The following TENM2 variants were observed in gnomAD, a reference collection of about 807,000 sequenced individuals.
TENM2 encodes the protein teneurin-2.
TENM2 carries 52 observed loss-of-function variants against 245.2 expected under a neutral mutation model. That is an observed-to-expected ratio of 0.21 (90% CI 0.17 to 0.27). The LOEUF (loss-of-function observed/expected upper bound fraction) is 0.27, where lower values mean the gene tolerates loss of function less well. Among genes scored for constraint, TENM2 ranks in the 10% least tolerant of loss-of-function variants. The pLI, the probability that TENM2 is intolerant of heterozygous loss-of-function variation, is 1.00. For synonymous variants in TENM2, 1,363 were observed against 1,438.9 expected (o/e 0.95, Z 1.19); for missense variants, 3,046 against 3,666.8 (o/e 0.83, Z 4.37).
chr5:167,951,887 CACAT>C (rs1191022143), intron 3 of TENM2, among the ~76,000 whole-genome samples: 7 of 151,966 alleles, frequency 4.6e-5, no homozygotes, highest in South Asian at 2.1e-4. Context: ...TGTGTATACA[CACAT>C]ACATATATAT....
At chr5:167,813,967 A>C (rs999823374) in intron 2 of TENM2, among the ~76,000 whole-genome samples, 1 of 152,110 alleles carries the variant, frequency 6.6e-6, no homozygotes, top group African/African-American at 2.4e-5. Context: ...TTCATCTACA[A>C]TGAAGGTAGC....
At chr5:167,193,154 A>G in the TENM2 span, among the ~76,000 whole-genome samples, 16 of 152,046 alleles carry the variant, frequency 1.1e-4, no homozygotes, top group Non-Finnish European at 2.2e-4. Context: ...CTTGTTCACA[A>G]AAAATGTCAT....
At chr5:166,986,163 T>G in the TENM2 span, among the ~76,000 whole-genome samples, 1 of 152,144 alleles carries the variant, frequency 6.6e-6, no homozygotes, top group African/African-American at 2.4e-5. Flanking sequence ...TATTGACCAT[T>G]ATGAATAATT....
chr5:167,233,614 C>T, the TENM2 span, among the ~76,000 whole-genome samples: 1 of 152,034 alleles, frequency 6.6e-6, no homozygotes, highest in African/African-American at 2.4e-5. Context: ...AACAATTTTT[C>T]CATTATAAAA....
chr5:168,160,417 C>T (rs1292080548), intron 12 of TENM2, among the ~76,000 whole-genome samples: 1 of 152,190 alleles, frequency 6.6e-6, no homozygotes, highest in Non-Finnish European at 1.5e-5. Context: ...CCAAACAAGC[C>T]TTTCCAGGTG....
the TENM2 span, among the ~76,000 whole-genome samples, chr5:167,105,109 A>G: frequency 6.6e-6 from 1 of 152,202 alleles, no homozygotes; most frequent in Non-Finnish European, 1.5e-5. Context: ...AGGTATATAG[A>G]TAAAATGCAT....
At chr5:168,211,543 T>G (rs1762803578) in intron 19 of TENM2, among the ~76,000 whole-genome samples, 191 bp from the exon 22 acceptor site, 1 of 152,198 alleles carries the variant, frequency 6.6e-6, no homozygotes, top group Admixed American at 6.5e-5. Context: ...GTCCAATGTC[T>G]GGGAGGAGTC....
the TENM2 span, among the ~76,000 whole-genome samples, chr5:166,990,971 G>C: frequency 6.6e-6 from 1 of 152,014 alleles, no homozygotes; most frequent in African/African-American, 2.4e-5. Flanking sequence ...CAGTTGGATT[G>C]GGATTGTGCA....
intron 3 of TENM2, among the ~76,000 whole-genome samples, chr5:167,881,023 T>G (rs1422902597): frequency 6.6e-6 from 1 of 152,140 alleles, no homozygotes; most frequent in Non-Finnish European, 1.5e-5. Context: ...CAGGACAGCC[T>G]CCCTCACTCA....
At chr5:167,920,489 G>A (rs190063155) in intron 3 of TENM2, among the ~76,000 whole-genome samples, 3 of 149,370 alleles carry the variant, frequency 2.0e-5, no homozygotes, top group East Asian at 4.0e-4. Context: ...CTGTACTGCA[G>A]CCTGGGCAAC....
At chr5:168,178,040 T>C (rs1339419927) in intron 13 of TENM2, among the ~76,000 whole-genome samples, 10 of 152,184 alleles carry the variant, frequency 6.6e-5, no homozygotes. Context: ...CATTTCTTTA[T>C]GCAGCAGAAG....
the TENM2 span, among the ~76,000 whole-genome samples, chr5:166,995,949 C>G: frequency 6.6e-6 from 1 of 151,420 alleles, no homozygotes; most frequent in Admixed American, 6.6e-5. Flanking sequence ...AATCGGTTGC[C>G]CATCAAATAA....
intron 2 of TENM2, among the ~76,000 whole-genome samples, chr5:167,575,630 A>C (rs928558929): frequency 2.6e-5 from 4 of 152,242 alleles, no homozygotes; most frequent in South Asian, 2.1e-4. Flanking sequence ...ATCATACTTC[A>C]TCATCCAGAG....
At chr5:167,006,822 AC>A in the TENM2 span, among the ~76,000 whole-genome samples, 3 of 151,902 alleles carry the variant, frequency 2.0e-5, no homozygotes, top group Non-Finnish European at 4.4e-5. Context: ...ATGTGCCACC[AC>A]GCCTGGCTAA....
chr5:167,793,122 GTTAAA>G (rs1340465558), intron 2 of TENM2, among the ~76,000 whole-genome samples: 2 of 152,274 alleles, frequency 1.3e-5, no homozygotes, highest in Non-Finnish European at 2.9e-5. Flanking sequence ...GCCCTTCATA[GTTAAA>G]TTAAATTCTG....
chr5:167,359,120 A>C (rs531722765), intron 1 of TENM2, among the ~76,000 whole-genome samples: 7 of 152,288 alleles, frequency 4.6e-5, no homozygotes, highest in South Asian at 2.1e-4. Context: ...CAAATCTCAG[A>C]AGAGCAATCC....
chr5:167,629,883 AAGG>A (rs748573452), intron 2 of TENM2, among the ~76,000 whole-genome samples: 2 of 151,282 alleles, frequency 1.3e-5, no homozygotes, highest in African/African-American at 2.4e-5. Flanking sequence ...AAAGAAGGAG[AAGG>A]AGGAGGAGGA....
At chr5:167,312,021 G>A (rs537827272) in intron 1 of TENM2, among the ~76,000 whole-genome samples, 2 of 152,200 alleles carry the variant, frequency 1.3e-5, no homozygotes, top group South Asian at 4.1e-4. Flanking sequence ...CTTTGCAATA[G>A]CATCATGAGG....
At chr5:167,403,293 G>A (rs1282315704) in intron 2 of TENM2, among the ~76,000 whole-genome samples, 3 of 146,976 alleles carry the variant, frequency 2.0e-5, no homozygotes, top group Non-Finnish European at 4.5e-5. Context: ...AAGCTGAAAT[G>A]TCTGCCACCC....
Sources: gnomAD v4.1 joint callset for allele counts (sites outside exome capture counted in the v4.1 genomes callset) on GRCh38, gnomAD v4.1.1 for gene constraint, MANE v1.5 for transcripts, NCBI Gene and HGNC (gene_info 2026-07-23, HGNC 2026-07-21) for gene names.